The following ADCY2 variants were observed in gnomAD, a reference collection of about 807,000 sequenced individuals.
ADCY2 encodes adenylate cyclase 2, also known as adenylate cyclase type 2.
A neutral mutation model predicts 125.2 loss-of-function variants in ADCY2; 31 were observed. That is an observed-to-expected ratio of 0.25 (90% confidence interval 0.19 to 0.33). The LOEUF (loss-of-function observed/expected upper bound fraction) is 0.33. ADCY2 is among the 10% of genes least tolerant of loss of function. ADCY2 has a pLI of 1.00. For synonymous variants in ADCY2, 512 were observed against 548.4 expected (o/e 0.93, Z 0.93); for missense variants, 904 against 1,418.2 (o/e 0.64, Z 5.82).
chr5:7,729,499 C>A (rs1199571768), intron 14 of ADCY2, among the ~76,000 whole-genome samples: 1 of 151,526 alleles, frequency 6.6e-6, no homozygotes, highest in African/African-American at 2.4e-5. Context: ...TGTGCGTGGA[C>A]CCACTTCTAC....
At chr5:7,692,514 C>T (rs1207477776) in intron 5 of ADCY2, among the ~76,000 whole-genome samples, 1 of 152,170 alleles carries the variant, frequency 6.6e-6, no homozygotes, top group Admixed American at 6.5e-5. Context: ...TACTGGCTTG[C>T]CTTCAGGTTT....
chr5:7,639,283 G>A (rs1300965437), intron 4 of ADCY2, among the ~76,000 whole-genome samples: 1 of 152,132 alleles, frequency 6.6e-6, no homozygotes, highest in African/African-American at 2.4e-5. Flanking sequence ...TTCTGCACTA[G>A]CTTGCTCTTT....
At chr5:7,767,010 T>A (rs1267098430) in intron 17 of ADCY2, among the ~76,000 whole-genome samples, 1 of 152,212 alleles carries the variant, frequency 6.6e-6, no homozygotes, top group African/African-American at 2.4e-5. Flanking sequence ...ATCTGAAAAC[T>A]TACAATGTTA....
chr5:7,750,792 C>T (rs1204238475), intron 15 of ADCY2, among the ~76,000 whole-genome samples: 1 of 151,542 alleles, frequency 6.6e-6, no homozygotes, highest in African/African-American at 2.4e-5. Flanking sequence ...CTCTTTGTAT[C>T]ATGGGCAGTA....
chr5:7,412,720 T>C (rs544040482), intron 1 of ADCY2, among the ~76,000 whole-genome samples: 1 of 152,334 alleles, frequency 6.6e-6, no homozygotes, highest in African/African-American at 2.4e-5. Flanking sequence ...CCCATTCGGT[T>C]GAGTTCACTG....
intron 3 of ADCY2, among the ~76,000 whole-genome samples, chr5:7,567,939 C>A (rs1425203260): frequency 1.3e-5 from 2 of 150,844 alleles, no homozygotes; most frequent in Non-Finnish European, 2.9e-5. Context: ...TTCTCTCTCT[C>A]TCTCTCTCTC....
chr5:7,483,078 G>A (rs1239507115), intron 2 of ADCY2, among the ~76,000 whole-genome samples: 3 of 151,872 alleles, frequency 2.0e-5, no homozygotes, highest in African/African-American at 7.3e-5. Flanking sequence ...TTAGATACAA[G>A]GAATAAGCTC....
intron 2 of ADCY2, among the ~76,000 whole-genome samples, chr5:7,507,361 A>G (rs190516735): frequency 7.5e-6 from 1 of 134,216 alleles, no homozygotes; most frequent in African/African-American, 2.9e-5. Context: ...GAATGGCGTG[A>G]ACCCGGGAGG....
intron 3 of ADCY2, among the ~76,000 whole-genome samples, chr5:7,524,011 C>G (rs1734354147): frequency 6.6e-6 from 1 of 152,152 alleles, no homozygotes; most frequent in Admixed American, 6.5e-5. Context: ...TCAAAATATT[C>G]ACTTAAGATA....
intron 4 of ADCY2, among the ~76,000 whole-genome samples, chr5:7,682,844 A>G (rs1740386592): frequency 6.6e-6 from 1 of 152,210 alleles, no homozygotes; most frequent in Non-Finnish European, 1.5e-5. Flanking sequence ...AATATAGACA[A>G]CAATAATTTG....
intron 2 of ADCY2, among the ~76,000 whole-genome samples, chr5:7,511,903 G>A (rs1744076330): frequency 6.6e-6 from 1 of 151,864 alleles, no homozygotes; most frequent in African/African-American, 2.4e-5. Context: ...TAAGGACTTT[G>A]AATTTATTCT....
In ADCY2 at chr5:7,410,160, G is replaced by A. The variant is rs539055901; in HGVS notation, c.211-4413G>A. On this transcript the variant is annotated intron_variant, in intron 1 of 24. Transcript: ENST00000338316. Reference sequence around the variant, plus strand: ...TGAAGAAGCCGGCTGAGGGACATTCGACTTCTCCCACTGAAAAATCACAGC... The same window carrying A: ...TGAAGAAGCCGGCTGAGGGACATTCAACTTCTCCCACTGAAAAATCACAGC... Among the ~76,000 whole-genome samples the A allele has an allele frequency of 2.6e-4, 39 of 152,174 alleles. No homozygotes were observed. In the Middle Eastern group the frequency reaches 0.021, roughly 80 times the overall value.
intron 11 of ADCY2, among the ~76,000 whole-genome samples, chr5:7,715,987 C>T (rs141483058): frequency 1.3e-5 from 2 of 152,190 alleles, no homozygotes; most frequent in Non-Finnish European, 2.9e-5. Flanking sequence ...TAGCCTTGTT[C>T]AGGCTAGCAG....
chr5:7,630,908 C>A (rs1172367420), intron 4 of ADCY2, among the ~76,000 whole-genome samples: 1 of 151,762 alleles, frequency 6.6e-6, no homozygotes, highest in African/African-American at 2.4e-5. Flanking sequence ...CCACCTCAGT[C>A]TCCCAAGTAG....
intron 10 of ADCY2, among the ~76,000 whole-genome samples, chr5:7,710,410 G>T (rs1447006722): frequency 1.3e-5 from 2 of 152,166 alleles, no homozygotes; most frequent in Admixed American, 6.5e-5. Flanking sequence ...ATAAATAAAT[G>T]AACAAGATCA....
intron 2 of ADCY2, among the ~76,000 whole-genome samples, chr5:7,519,696 C>A (rs188738726): frequency 6.6e-6 from 1 of 152,202 alleles, no homozygotes; most frequent in Admixed American, 6.5e-5. Flanking sequence ...ATAAATTACC[C>A]AATTTAAGTT....
At chr5:7,655,598 A>C (rs1330302258) in intron 4 of ADCY2, among the ~76,000 whole-genome samples, 1 of 152,128 alleles carries the variant, frequency 6.6e-6, no homozygotes, top group Non-Finnish European at 1.5e-5. Flanking sequence ...TCACACTGGG[A>C]GCGCAGTCTG....
intron 3 of ADCY2, among the ~76,000 whole-genome samples, chr5:7,589,365 A>G (rs907793958): frequency 1.3e-5 from 2 of 150,880 alleles, no homozygotes; most frequent in Admixed American, 1.3e-4. Flanking sequence ...AAAGAAATAA[A>G]CAATGTCCAC....
intron 7 of ADCY2, among the ~76,000 whole-genome samples, chr5:7,702,442 T>C (rs1357202056): frequency 6.6e-6 from 1 of 151,402 alleles, no homozygotes; most frequent in African/African-American, 2.4e-5. Flanking sequence ...TGTGTTCTCA[T>C]TGTTCAGTTC....
Sources: gnomAD v4.1 joint callset for allele counts (sites outside exome capture counted in the v4.1 genomes callset) on GRCh38, gnomAD v4.1.1 for gene constraint, MANE v1.5 for transcripts, NCBI Gene and HGNC (gene_info 2026-07-23, HGNC 2026-07-21) for gene names.